The following OPRM1 variants were observed in gnomAD, a reference collection of about 807,000 sequenced individuals.
OPRM1 encodes mu-type opioid receptor.
Under a neutral mutation model 31.8 loss-of-function variants are expected in OPRM1, and 27 were observed. The observed-to-expected ratio is 0.85, with a 90% CI of 0.63 to 1.17. The LOEUF is 1.17. OPRM1 is among the 50% of genes most tolerant of loss of function. The pLI is 0.00. For missense variants in OPRM1, 536 were observed against 511.1 expected (o/e 1.05, Z -0.47); for synonymous variants, 196 against 189.9 (o/e 1.03, Z -0.26).
rs183181963 is a variant in OPRM1, at chr6:154,163,680, G to T, written c.1164+72208G>T. 9.4e-4 allele frequency among the ~76,000 whole-genome samples: 143 copies of T among 152,220 alleles called. 1 individual carries two copies. Among genetic ancestry groups the T allele is most frequent in the Middle Eastern group, 3.4e-3 (1 of 292 alleles). ...TTCGTTGAATACTTGTTGAAAAAAT[G>T]AATATATAAAATAAGAAATAAATGA... On this transcript the variant is annotated intron_variant, in intron 3 of 3. Transcript: ENST00000337049.
Position 154,231,442 on chromosome 6 carries a change from C to T in OPRM1, c.1165-15251C>T, listed in dbSNP as rs1779709855. Among the ~76,000 whole-genome samples, 4 of 152,200 alleles carry T rather than the reference C, an allele frequency of 2.6e-5. No homozygotes were observed. The South Asian group carries it at 8.3e-4, about 31-fold the overall frequency. On this transcript the variant is annotated intron_variant, in intron 3 of 3. Coordinates refer to the OPRM1 transcript ENST00000337049. ...TGGAGAATATGTGGAATGACATGTA[C>T]ATTGCAGCATTGTTTGTATTTACAA... is the stretch of plus-strand genomic sequence containing the variant.
At chr6:154,039,007 G>A, upstream of OPRM1, 1 of 825,980 alleles carries the variant, frequency 1.2e-6, no homozygotes, top group South Asian at 2.0e-5. Flanking sequence ...AGGGCTGTTA[G>A]GGTTTCATCA....
At chr6:154,135,467 G>A (rs1168550780), downstream of OPRM1, among the ~76,000 whole-genome samples, 1 of 143,140 alleles carries the variant, frequency 7.0e-6, no homozygotes, top group Non-Finnish European at 1.6e-5. Flanking sequence ...AAGACTCCAT[G>A]TAAAAAAAAA....
At chr6:154,142,879 C>T (rs1233329703) in intron 3 of OPRM1, among the ~76,000 whole-genome samples, 1 of 152,164 alleles carries the variant, frequency 6.6e-6, no homozygotes, top group African/African-American at 2.4e-5. Flanking sequence ...TTCTGCCACT[C>T]TTCTCATTCT....
At position 154,050,130 on chromosome 6, in the gene OPRM1, C is replaced by T. The variant is rs368168354; in HGVS notation, c.290+10296C>T. Among the ~76,000 whole-genome samples, 5 of 152,216 alleles carry T rather than the reference C, an allele frequency of 3.3e-5. No homozygotes were observed. In the East Asian group the frequency reaches 7.7e-4, roughly 23 times the overall value. ...GAATTCAGCAGTGTAGCCATCAGGT[C>T]CTGGGCTTTTCTTTACTGGAAGACT... On this transcript the variant is annotated intron_variant, in intron 1 of 3. Transcript: ENST00000330432.
chr6:154,077,662 C>T (rs891101007), intron 1 of OPRM1, among the ~76,000 whole-genome samples: 5 of 151,642 alleles, frequency 3.3e-5, no homozygotes, highest in East Asian at 2.0e-4. Context: ...ACCTGCGAGG[C>T]GGAGGTTGCA....
chr6:154,043,007 A>G (rs1780384199), intron 1 of OPRM1, among the ~76,000 whole-genome samples: 1 of 152,188 alleles, frequency 6.6e-6, no homozygotes, highest in South Asian at 2.1e-4. Context: ...ACTGAACCAG[A>G]CTATAGAATT....
Position 154,089,816 on chromosome 6 carries a change from T to C in OPRM1, c.291-10T>C, listed in dbSNP as rs781280157. Reference sequence around the variant, plus strand: ...TTACTGATTCTCACTCTTCTTCCTTTATCTCCTAGATACACCAAGATGAAG... The same window carrying C: ...TTACTGATTCTCACTCTTCTTCCTTCATCTCCTAGATACACCAAGATGAAG... On this transcript the variant is annotated splice_polypyrimidine_tract_variant and intron_variant, in intron 1 of 3. Coordinates refer to ENST00000330432, the MANE Select transcript of OPRM1 (RefSeq NM_000914.5). 1 of 1,585,738 alleles carries C rather than the reference T, an allele frequency of 6.3e-7. No individual in the cohort carries two copies. Among genetic ancestry groups the C allele is most frequent in the Admixed American group, 1.7e-5 (1 of 58,946 alleles).
At chr6:154,065,555 T>G (rs1355019020) in intron 1 of OPRM1, among the ~76,000 whole-genome samples, 1 of 152,238 alleles carries the variant, frequency 6.6e-6, no homozygotes, top group Non-Finnish European at 1.5e-5. Context: ...TAATTTTCTT[T>G]TCAGATTGTT....
At chr6:154,152,336 AAAGAAAG>A (rs1459703537) in intron 3 of OPRM1, among the ~76,000 whole-genome samples, 1 of 12,618 alleles carries the variant, frequency 7.9e-5, no homozygotes, top group Admixed American at 1.0e-3. Context: ...AGAAAGAAAG[AAAGAAAG>A]AAAGGAAAGA....
chr6:154,142,961 A>G (rs1261622960), intron 3 of OPRM1, among the ~76,000 whole-genome samples: 1 of 152,152 alleles, frequency 6.6e-6, no homozygotes, highest in Non-Finnish European at 1.5e-5. Context: ...CCAAGGGAGG[A>G]CCAGTTCTTC....
chr6:154,159,674 G>A (rs1046914438), intron 3 of OPRM1: 7 of 649,614 alleles, frequency 1.1e-5, no homozygotes, highest in Non-Finnish European at 1.9e-5. Context: ...GGTGTATTCG[G>A]TGATTATCTT....
At chr6:154,065,641 T>C (rs1019595512) in intron 1 of OPRM1, among the ~76,000 whole-genome samples, 1 of 152,244 alleles carries the variant, frequency 6.6e-6, no homozygotes, top group Non-Finnish European at 1.5e-5. Flanking sequence ...AATTCATTAT[T>C]AGTTCTAACA....
chr6:154,108,754 TA>T (rs1795985097), intron 3 of OPRM1: 1 of 985,026 alleles, frequency 1.0e-6, no homozygotes, highest in Non-Finnish European at 1.2e-6. Flanking sequence ...GTAGGGCCTC[TA>T]ACCCCGCTTT....
At chr6:154,038,326 GA>G (rs199771957), upstream of OPRM1, among the ~76,000 whole-genome samples, 9 of 149,560 alleles carry the variant, frequency 6.0e-5, no homozygotes, top group African/African-American at 1.7e-4. Context: ...GTTAACTTTA[GA>G]AAAAAAAAGA....
At chr6:154,231,571 G>C (rs1483760190) in intron 3 of OPRM1, among the ~76,000 whole-genome samples, 1 of 152,236 alleles carries the variant, frequency 6.6e-6, no homozygotes, top group Admixed American at 6.5e-5. Flanking sequence ...AACGCGTAGA[G>C]CAATCTCTAG....
intron 3 of OPRM1, among the ~76,000 whole-genome samples, chr6:154,220,382 G>C (rs766368259): frequency 6.6e-6 from 1 of 152,208 alleles, no homozygotes; most frequent in Non-Finnish European, 1.5e-5. Flanking sequence ...TGTTGACCAG[G>C]TGCGGTGGCT....
intron 3 of OPRM1, among the ~76,000 whole-genome samples, chr6:154,114,801 A>G (rs1352367090): frequency 6.6e-6 from 1 of 150,608 alleles, no homozygotes; most frequent in Non-Finnish European, 1.5e-5. Context: ...GAGATATTAC[A>G]TTTTTCATTA....
At chr6:154,215,982 G>A (rs986636011) in intron 3 of OPRM1, among the ~76,000 whole-genome samples, 6 of 152,290 alleles carry the variant, frequency 3.9e-5, no homozygotes, top group African/African-American at 1.4e-4. Flanking sequence ...CAAGTATTTA[G>A]CAGGAAACAG....
Sources: gnomAD v4.1 joint callset for allele counts (sites outside exome capture counted in the v4.1 genomes callset) on GRCh38, gnomAD v4.1.1 for gene constraint, MANE v1.5 for transcripts, NCBI Gene and HGNC (gene_info 2026-07-23, HGNC 2026-07-21) for gene names.